SOX5: variants seen among roughly 807,000 people sequenced by gnomAD.
SOX5 encodes the protein transcription factor SOX-5.
In SOX5, 9 loss-of-function variants were observed where a neutral mutation model predicts 92.0. The ratio of observed to expected loss-of-function variants is 0.10; its 90% CI spans 0.06 to 0.17. The LOEUF (loss-of-function observed/expected upper bound fraction) is 0.17. Ranked by LOEUF, SOX5 falls within the 10% of genes least tolerant of loss-of-function variation. The pLI is 1.00. For synonymous variants in SOX5, 344 were observed against 336.3 expected (o/e 1.02, Z -0.25); for missense variants, 642 against 944.5 (o/e 0.68, Z 4.20).
chr12:24,481,399 T>C (rs1945982382), intron 1 of SOX5, among the ~76,000 whole-genome samples: 1 of 152,122 alleles, frequency 6.6e-6, no homozygotes, highest in Non-Finnish European at 1.5e-5. Context: ...AATTGTACAT[T>C]TAAAAATAAC....
intron 14 of SOX5, among the ~76,000 whole-genome samples, chr12:23,534,756 C>T (rs1443075616): frequency 7.2e-6 from 1 of 138,564 alleles, no homozygotes; most frequent in Non-Finnish European, 1.5e-5. Flanking sequence ...GTTGCCTAGG[C>T]TGCAGTGCAA....
chr12:23,726,118 C>CGAGAGAGAGAGAGAGAGAGAGAGAGA (rs60575337), intron 6 of SOX5, among the ~76,000 whole-genome samples: 1 of 123,648 alleles, frequency 8.1e-6, no homozygotes, highest in East Asian at 2.2e-4. Flanking sequence ...CATACATCCC[C>CGAGAGAGAGAGAGAGAGAGAGAGAGA]GAGAGAGAGA....
chr12:24,529,743 G>A (rs1011367946), intron 1 of SOX5, among the ~76,000 whole-genome samples: 3 of 152,186 alleles, frequency 2.0e-5, no homozygotes, highest in African/African-American at 4.8e-5. Context: ...TACAAGGCTG[G>A]GCGCGGTGGC....
Position 23,740,860 on chromosome 12 carries a change from TACTC to T in SOX5, c.741+3_741+6del. The T allele has an allele frequency of 6.2e-7, 1 of 1,606,206 alleles. No homozygotes were observed. ...GGAATATGACTGCATCGCTAGTTCT[TACTC>T]ACTTGTTCTTGTTGCTGCTTGGCCA... On this transcript the variant is annotated splice_donor_5th_base_variant and intron_variant, in intron 5 of 14. Transcript: ENST00000451604.
intron 4 of SOX5, among the ~76,000 whole-genome samples, chr12:23,977,010 T>G (rs139272597): frequency 6.6e-6 from 1 of 152,326 alleles, no homozygotes; most frequent in African/African-American, 2.4e-5. Flanking sequence ...CCAATATACC[T>G]ACTTTATTAT....
At chr12:23,782,718 C>T (rs948214334) in intron 3 of SOX5, among the ~76,000 whole-genome samples, 2 of 152,128 alleles carry the variant, frequency 1.3e-5, no homozygotes, top group African/African-American at 2.4e-5. Flanking sequence ...AGATTTATCT[C>T]TTTCTACAGG....
chr12:24,444,055 A>T (rs1185829258), intron 1 of SOX5, among the ~76,000 whole-genome samples: 1 of 152,076 alleles, frequency 6.6e-6, no homozygotes, highest in East Asian at 1.9e-4. Context: ...GTAGTTCTGG[A>T]TTGGGGGTTG....
chr12:24,033,481 G>A (rs764661005), intron 4 of SOX5, among the ~76,000 whole-genome samples: 6 of 151,984 alleles, frequency 3.9e-5, no homozygotes, highest in Non-Finnish European at 7.4e-5. Flanking sequence ...TGAAAATTCA[G>A]TTCCACAATG....
intron 4 of SOX5, among the ~76,000 whole-genome samples, chr12:24,070,208 C>G (rs1296038263): frequency 1.3e-5 from 2 of 152,174 alleles, no homozygotes; most frequent in Non-Finnish European, 2.9e-5. Flanking sequence ...TATATTTATG[C>G]TGTCCCTTCC....
At chr12:24,223,079 T>C (rs1960901041) in intron 3 of SOX5, among the ~76,000 whole-genome samples, 1 of 152,242 alleles carries the variant, frequency 6.6e-6, no homozygotes, top group African/African-American at 2.4e-5. Flanking sequence ...TGAAAAGCCA[T>C]GTCCAGATAT....
At chr12:23,928,168 G>A (rs527297466) in intron 1 of SOX5, among the ~76,000 whole-genome samples, 3 of 152,080 alleles carry the variant, frequency 2.0e-5, no homozygotes, top group South Asian at 2.1e-4. Flanking sequence ...AGAAAATACC[G>A]GTGAAAAGCT....
At chr12:24,522,160 G>A (rs1438334937) in intron 1 of SOX5, among the ~76,000 whole-genome samples, 1 of 151,412 alleles carries the variant, frequency 6.6e-6, no homozygotes, top group African/African-American at 2.4e-5. Context: ...TGCCAACAAA[G>A]TGGATAATGT....
intron 4 of SOX5, among the ~76,000 whole-genome samples, chr12:24,184,443 A>G (rs1594042506): frequency 6.6e-6 from 1 of 152,192 alleles, no homozygotes; most frequent in African/African-American, 2.4e-5. Context: ...GCATAAGCAC[A>G]GGATAAAAGA....
chr12:23,547,457 A>G (rs1943356226), intron 11 of SOX5, among the ~76,000 whole-genome samples: 1 of 152,132 alleles, frequency 6.6e-6, no homozygotes, highest in Non-Finnish European at 1.5e-5. Context: ...TATTGACACA[A>G]TAAAATGTTC....
At chr12:23,721,678 G>A (rs1354863562) in intron 6 of SOX5, among the ~76,000 whole-genome samples, 2 of 152,102 alleles carry the variant, frequency 1.3e-5, no homozygotes, top group Non-Finnish European at 2.9e-5. Context: ...AGTTTTTACA[G>A]CAATATAAAC....
At chr12:23,765,385 C>A (rs1181389126) in intron 3 of SOX5, among the ~76,000 whole-genome samples, 115 of 31,404 alleles carry the variant, frequency 3.7e-3, no homozygotes, top group African/African-American at 0.011. Context: ...TGTAAAACAG[C>A]AAAAAAAAAA....
chr12:23,933,702 T>C (rs1324241648), intron 1 of SOX5, among the ~76,000 whole-genome samples: 1 of 151,534 alleles, frequency 6.6e-6, no homozygotes, highest in African/African-American at 2.4e-5. Context: ...CAATATCGAA[T>C]TCTAGGGTCT....
chr12:24,292,883 C>T (rs1347434924), intron 2 of SOX5, among the ~76,000 whole-genome samples: 1 of 152,214 alleles, frequency 6.6e-6, no homozygotes, highest in Non-Finnish European at 1.5e-5. Context: ...TCAAGTTTCT[C>T]ATGACATGAG....
chr12:23,690,926 A>G (rs144467589), intron 6 of SOX5, among the ~76,000 whole-genome samples: 195 of 152,334 alleles, frequency 1.3e-3, no homozygotes, highest in Admixed American at 3.0e-3. Context: ...TTAGCTCCTG[A>G]ATCCTGATTC....
Sources: gnomAD v4.1 joint callset for allele counts (sites outside exome capture counted in the v4.1 genomes callset) on GRCh38, gnomAD v4.1.1 for gene constraint, MANE v1.5 for transcripts, NCBI Gene and HGNC (gene_info 2026-07-23, HGNC 2026-07-21) for gene names.